The following STRIP1 variants were observed in gnomAD, a reference collection of about 807,000 sequenced individuals.
STRIP1 encodes the protein striatin interacting protein 1.
STRIP1 carries 63 observed loss-of-function variants against 106.2 expected under a neutral mutation model. The ratio of observed to expected loss-of-function variants is 0.59; its 90% CI spans 0.48 to 0.73. STRIP1 has a LOEUF of 0.73. STRIP1 is among the 30% of genes least tolerant of loss of function. The pLI, the probability that STRIP1 is intolerant of heterozygous loss-of-function variation, is 0.00. For missense variants in STRIP1, 857 were observed against 1,074.8 expected (o/e 0.80, Z 2.83); for synonymous variants, 390 against 413.0 (o/e 0.94, Z 0.67).
Position 110,043,592 on chromosome 1 carries a change from C to A in STRIP1, c.1069-47C>A. 2.6e-6 allele frequency: 4 copies of A among 1,533,314 alleles called. No homozygotes were observed. In the South Asian group the frequency reaches 3.5e-5, roughly 13 times the overall value. 95.0% of individuals were successfully genotyped at this position (1,533,314 alleles called of 1,614,324 possible). ...TCTCCTCTGGCTGCACTTCCCTGGT[C>A]TGCGTCCTCAGTTGGCTCTTGTCTC... is the stretch of plus-strand genomic sequence containing the variant. On this transcript the variant is annotated intron_variant, in intron 9 of 20. Coordinates refer to ENST00000369795, the MANE Select transcript of STRIP1 (RefSeq NM_033088.4).
At chr1:110,041,488 C>G in intron 6 of STRIP1, 48 bp from the exon 7 acceptor site, 1 of 1,450,904 alleles carries the variant, frequency 6.9e-7, no homozygotes, top group East Asian at 2.3e-5. Flanking sequence ...TAGGGTGCTC[C>G]TTTGACCCCC....
chr1:110,053,582 A>G, intron 20 of STRIP1, 83 bp from the exon 21 acceptor site: 4 of 1,553,134 alleles, frequency 2.6e-6, no homozygotes, highest in Non-Finnish European at 2.6e-6. Context: ...CTTAGTTGAC[A>G]CTCAATATTC....
rs1652529791 is a variant in STRIP1, at chr1:110,037,762, A to G, written c.181-129A>G. ...TAGGATACTCTGAGAGGTTTTAGGA[A>G]ACAAAATGTGAAAAAACATAAAAAA... is the stretch of plus-strand genomic sequence containing the variant. On this transcript the variant is annotated intron_variant, in intron 1 of 20. Transcript: ENST00000369795. The G allele has an allele frequency of 4.8e-6, 3 of 630,884 alleles. No homozygotes were observed. In the Admixed American group the frequency reaches 7.5e-5, roughly 16 times the overall value. The allele number at this position is 630,884 out of a possible 1,614,324, so 39.1% of individuals were successfully genotyped here. A position where few individuals can be genotyped will look rare whatever the true frequency, so the allele number is the denominator to read the frequency against.
At chr1:110,053,498 G>A (rs1653395823) in intron 20 of STRIP1, among the ~76,000 whole-genome samples, 167 bp from the exon 21 acceptor site, 1 of 152,078 alleles carries the variant, frequency 6.6e-6, no homozygotes, top group African/African-American at 2.4e-5. Flanking sequence ...TTTTCTGCTT[G>A]TACTTGACTC....
chr1:110,047,373 T>C (rs111636915), intron 13 of STRIP1, among the ~76,000 whole-genome samples, 169 bp from the exon 14 acceptor site: 149 of 152,360 alleles, frequency 9.8e-4, no homozygotes, highest in African/African-American at 3.4e-3. Flanking sequence ...ACTGAGTTAT[T>C]ACAAGTAAAA....
At chr1:110,045,419 G>C in intron 12 of STRIP1, 1 of 250,186 alleles carries the variant, frequency 4.0e-6, no homozygotes, top group Non-Finnish European at 7.8e-6. Context: ...CAAGGCTACA[G>C]TGAGCTATGA....
intron 20 of STRIP1, among the ~76,000 whole-genome samples, chr1:110,052,135 G>T (rs1281789876): frequency 6.6e-6 from 1 of 152,142 alleles, no homozygotes; most frequent in Non-Finnish European, 1.5e-5. Context: ...TCCTTTTCTA[G>T]AAATTGTCAT....
At chr1:110,042,303 A>G (rs924730571) in intron 8 of STRIP1, among the ~76,000 whole-genome samples, 1 of 152,158 alleles carries the variant, frequency 6.6e-6, no homozygotes, top group African/African-American at 2.4e-5. Context: ...CTCTGTGTCT[A>G]GGTAGGGAGG....
chr1:110,049,457 C>G lies in STRIP1; in HGVS notation c.1789-3C>G. 2 of 1,433,552 alleles carry G rather than the reference C, an allele frequency of 1.4e-6. No homozygotes were observed. The highest frequency in any genetic ancestry group is 1.9e-6 in the Non-Finnish European group (2 of 1,046,968). The allele number at this position is 1,433,552 out of a possible 1,614,324, so 88.8% of individuals were successfully genotyped here. A position where few individuals can be genotyped will look rare whatever the true frequency, so the allele number is the denominator to read the frequency against. ...TTTTTTTTTTTTTTCCTGTTGGCTT[C>G]AGTTTGAATACATGGCCCAGCACCT... On this transcript the variant is annotated splice_region_variant and splice_polypyrimidine_tract_variant and intron_variant, in intron 16 of 20. Transcript: ENST00000369795.
In STRIP1 at chr1:110,054,282, A is replaced by G. The variant is rs17025370; in HGVS notation, c.*370A>G. The G allele has an allele frequency of 0.011, 2,279 of 214,990 alleles. 29 individuals are homozygous for G. The highest frequency in any genetic ancestry group is 0.039 in the South Asian group (499 of 12,940). The allele number at this position is 214,990 out of a possible 1,614,324, so 13.3% of individuals were successfully genotyped here. Reference sequence around the variant, plus strand: ...GGGTCATGCTGATGCCTCTCGAGACATACAAATCCTTGCTTTGTCAGCTTG... The same window carrying G: ...GGGTCATGCTGATGCCTCTCGAGACGTACAAATCCTTGCTTTGTCAGCTTG... On this transcript the variant is annotated 3_prime_UTR_variant, in exon 21 of 21. Coordinates refer to ENST00000369795, the MANE Select transcript of STRIP1 (RefSeq NM_033088.4).
At chr1:110,036,887 G>T (rs1457862926) in intron 1 of STRIP1, among the ~76,000 whole-genome samples, 2 of 152,052 alleles carry the variant, frequency 1.3e-5, no homozygotes, top group Non-Finnish European at 2.9e-5. Flanking sequence ...GTAGTGGCGC[G>T]ATCTTGGCTC....
In STRIP1 at chr1:110,043,829, A is replaced by G. The variant is rs759804557; in HGVS notation, c.1259A>G (p.Lys420Arg). The part of the protein sequence containing the change: ...HPQTDRLTCP[K>R]GLPWAPKVRE... ...CAGACTGACAGGCTGACTTGCCCCA[A>G]AGGGCTCCCGTGGGCTCCCAAGGTC... The change falls in exon 10 of 21, where the codon AAA (lysine) becomes AGA (arginine). Residue 420 changes from lysine (K) to arginine (R), a missense_variant. Coordinates refer to ENST00000369795, the MANE Select transcript of STRIP1 (RefSeq NM_033088.4). 1.2e-6 allele frequency: 2 copies of G among 1,614,010 alleles called. No individual in the cohort carries two copies. The highest frequency in any genetic ancestry group is 2.2e-5 in the East Asian group (1 of 44,882).
chr1:110,035,909 C>T (rs77109214), intron 1 of STRIP1, among the ~76,000 whole-genome samples: 1,956 of 152,090 alleles, frequency 0.013, 18 homozygotes, highest in Non-Finnish European at 0.02. Context: ...GTAATTTGAG[C>T]TTGGAGTGAA....
intron 9 of STRIP1, among the ~76,000 whole-genome samples, 160 bp downstream of exon 9, chr1:110,043,430 A>T (rs1231692299): frequency 2.0e-5 from 3 of 152,210 alleles, no homozygotes; most frequent in Non-Finnish European, 4.4e-5. Flanking sequence ...GCTCTGGTCC[A>T]GTGTATGGTG....
At chr1:110,046,336 C>T (rs2101778852) in intron 12 of STRIP1, among the ~76,000 whole-genome samples, 1 of 152,106 alleles carries the variant, frequency 6.6e-6, no homozygotes, top group South Asian at 2.1e-4. Flanking sequence ...CCCATCTCTA[C>T]TAAAAATACA....
At chr1:110,036,313 C>T (rs1448579470) in intron 1 of STRIP1, among the ~76,000 whole-genome samples, 3 of 152,028 alleles carry the variant, frequency 2.0e-5, no homozygotes, top group Non-Finnish European at 4.4e-5. Flanking sequence ...ATTAGCCGGG[C>T]GTGGTGGCTG....
At chr1:110,049,811 ACTTTCCTC>A in intron 17 of STRIP1, 1 of 450,038 alleles carries the variant, frequency 2.2e-6, no homozygotes, top group South Asian at 3.3e-5. Flanking sequence ...AGGATCTAGT[ACTTTCCTC>A]CCTGTCCCTT....
At chr1:110,046,580 A>G (rs373707362) in intron 12 of STRIP1, 100 bp from the exon 13 acceptor site, 1 of 999,210 alleles carries the variant, frequency 1.0e-6, no homozygotes. Context: ...CTTTCAGAAG[A>G]CTGTGTTTGA....
chr1:110,035,264 C>T (rs1652392371), intron 1 of STRIP1, among the ~76,000 whole-genome samples: 1 of 152,172 alleles, frequency 6.6e-6, no homozygotes, highest in Non-Finnish European at 1.5e-5. Context: ...CAGAGGAAGG[C>T]GCGTGTGGGC....
Sources: gnomAD v4.1 joint callset for allele counts (sites outside exome capture counted in the v4.1 genomes callset) on GRCh38, gnomAD v4.1.1 for gene constraint, MANE v1.5 for transcripts, NCBI Gene and HGNC (gene_info 2026-07-23, HGNC 2026-07-21) for gene names.